OASL: variants seen among roughly 807,000 people sequenced by gnomAD.
The protein encoded by OASL is 2'-5'-oligoadenylate synthetase like.
In OASL, 28 loss-of-function variants were observed where a neutral mutation model predicts 35.3. The observed-to-expected ratio is 0.79, with a 90% CI of 0.59 to 1.09. OASL has a LOEUF of 1.09. Among genes scored for constraint, OASL ranks in the 50% least tolerant of loss-of-function variants. OASL has a pLI of 0.00. For synonymous variants in OASL, 252 were observed against 254.6 expected (o/e 0.99, Z 0.10); for missense variants, 620 against 635.2 (o/e 0.98, Z 0.26).
At chr12:121,033,181 C>T (rs979143231) in intron 2 of OASL, among the ~76,000 whole-genome samples, 12 of 152,074 alleles carry the variant, frequency 7.9e-5, no homozygotes, top group African/African-American at 2.7e-4. Context: ...GCCTTGGCCT[C>T]CCAAAGTGCT....
intron 1 of OASL, among the ~76,000 whole-genome samples, chr12:121,035,071 C>G (rs1324838465): frequency 6.6e-6 from 1 of 151,972 alleles, no homozygotes; most frequent in Non-Finnish European, 1.5e-5. Context: ...CCCCAGAAGG[C>G]TACTTTTCTT....
intron 3 of OASL, among the ~76,000 whole-genome samples, chr12:121,030,915 C>T (rs911229134): frequency 3.9e-5 from 6 of 152,106 alleles, no homozygotes; most frequent in Middle Eastern, 3.4e-3. Context: ...GTGGGAGGAT[C>T]GCTTGAGACC....
At chr12:121,024,124 C>A (rs1462175311) in exon 5 of OASL, 1 of 1,614,026 alleles carries the variant, frequency 6.2e-7, no homozygotes, top group Non-Finnish European at 8.5e-7. Flanking sequence ...TCGGCCGGAT[C>A]CAGGATGATG....
chr12:121,024,829 C>T (rs1211606446), intron 4 of OASL, among the ~76,000 whole-genome samples: 1 of 152,136 alleles, frequency 6.6e-6, no homozygotes, highest in Non-Finnish European at 1.5e-5. Context: ...CTGCCACCAA[C>T]TACTGACATT....
chr12:121,034,534 T>C (rs1244738476), intron 1 of OASL, among the ~76,000 whole-genome samples: 1 of 151,934 alleles, frequency 6.6e-6, no homozygotes, highest in Non-Finnish European at 1.5e-5. Context: ...CTCCATAGGG[T>C]TGTTTGAGGA....
chr12:121,039,059 T>G, exon 1 of OASL: 1 of 1,115,026 alleles, frequency 9.0e-7, no homozygotes, highest in Middle Eastern at 2.2e-4. Flanking sequence ...TTAAGGTAGC[T>G]CCTCCTCAGC....
intron 4 of OASL, 62 bp downstream of exon 4, chr12:121,027,514 G>T (rs559833198): frequency 2.5e-6 from 4 of 1,602,758 alleles, no homozygotes; most frequent in African/African-American, 1.3e-5. Context: ...TCTATGCCAC[G>T]TTACACTAGC....
chr12:121,030,436 T>C lies in OASL; in HGVS notation c.657+1006A>G, dbSNP rs567248293. On this transcript the variant is annotated intron_variant, in intron 3 of 5. Coordinates refer to ENST00000257570, the Ensembl canonical transcript of OASL. The stretch of plus-strand genomic sequence containing the variant: ...AGCCAGGATGGTCTCGATCTCCTGA[T>C]CTCATGATCTGCCCACCTCGGCCTC... 3.3e-5 allele frequency among the ~76,000 whole-genome samples: 5 copies of C among 152,216 alleles called. No homozygotes were observed. In the South Asian group the frequency reaches 1.0e-3, roughly 32 times the overall value.
intron 4 of OASL, among the ~76,000 whole-genome samples, chr12:121,026,071 G>T (rs559760354): frequency 1.1e-4 from 16 of 152,296 alleles, no homozygotes; most frequent in Admixed American, 2.6e-4. Context: ...TCTCTCTGGG[G>T]TTTGGACATG....
chr12:121,021,189 G>A, intron 5 of OASL, 131 bp from the exon 6 acceptor site: 2 of 886,908 alleles, frequency 2.3e-6, no homozygotes, highest in Non-Finnish European at 3.3e-6. Flanking sequence ...TTTAGGGAGT[G>A]GTAAGCACTT....
At chr12:121,029,846 G>A (rs11065403) in intron 3 of OASL, among the ~76,000 whole-genome samples, 21,451 of 152,068 alleles carry the variant, frequency 0.14, 1,847 homozygotes, top group Non-Finnish European at 0.19. Context: ...TTAGTGAAAT[G>A]TTACATTCTT....
exon 6 of OASL, chr12:121,020,980 T>C: frequency 1.2e-6 from 2 of 1,614,074 alleles, no homozygotes. Context: ...ACCTTCCTTA[T>C]GGGCTCATAA....
At chr12:121,031,366 G>A in intron 3 of OASL, 76 bp downstream of exon 3, 1 of 1,453,306 alleles carries the variant, frequency 6.9e-7, no homozygotes, top group Non-Finnish European at 9.5e-7. Context: ...AGCTTCCTGA[G>A]ATGAAAATCA....
At chr12:121,022,572 A>G (rs752813163) in intron 5 of OASL, among the ~76,000 whole-genome samples, 1 of 152,190 alleles carries the variant, frequency 6.6e-6, no homozygotes, top group Non-Finnish European at 1.5e-5. Context: ...TTTCCAGCCC[A>G]TGGGTGGGCC....
At position 121,027,716 on chromosome 12, in the gene OASL, A is replaced by G. The variant is rs188352194; in HGVS notation, c.759T>C (p.Asn253=). ...TGGTGAAGCCTTCGTCCAACATGAAATTCTCGTCTTCTTCAGTACCCATTT... is the reference window on the plus strand; with the variant it reads ...TGGTGAAGCCTTCGTCCAACATGAAGTTCTCGTCTTCTTCAGTACCCATTT... The change falls in exon 4 of 6, where the codon AAT becomes AAC. Residue 253 remains asparagine (N), a synonymous_variant. Coordinates refer to ENST00000257570, the Ensembl canonical transcript of OASL. The G allele has an allele frequency of 2.5e-5, 40 of 1,614,170 alleles. No homozygotes were observed. The African/African-American group carries it at 5.2e-4, about 21-fold the overall frequency.
chr12:121,026,851 TAAAAAAA>T (rs576220572), intron 4 of OASL, among the ~76,000 whole-genome samples: 1 of 136,880 alleles, frequency 7.3e-6, no homozygotes, highest in Non-Finnish European at 1.6e-5. Context: ...AACTCTGTCT[TAAAAAAA>T]AAAAAAAAAA....
chr12:121,031,731 TGAGA>T, intron 2 of OASL, 114 bp from the exon 3 acceptor site: 3 of 787,806 alleles, frequency 3.8e-6, no homozygotes, highest in Non-Finnish European at 6.1e-6. Context: ...CAGGGACACT[TGAGA>T]CCTCATATCT....
chr12:121,038,583 A>C (rs567717463), intron 1 of OASL, among the ~76,000 whole-genome samples, 191 bp downstream of exon 1: 1 of 152,218 alleles, frequency 6.6e-6, no homozygotes, highest in Non-Finnish European at 1.5e-5. Context: ...AATGTGAGCT[A>C]TTATTACTAG....
chr12:121,024,616 A>T (rs77318180), intron 4 of OASL, among the ~76,000 whole-genome samples: 1 of 144,550 alleles, frequency 6.9e-6, no homozygotes, highest in Admixed American at 6.9e-5. Context: ...AGACTGTCTC[A>T]AAAAAAAAAA....
Sources: allele counts gnomAD v4.1 joint callset (sites outside exome capture counted in the v4.1 genomes callset), GRCh38; gene constraint gnomAD v4.1.1; transcripts MANE v1.5; gene names NCBI Gene and HGNC (gene_info 2026-07-23, HGNC 2026-07-21).